Variants in GTF3C5 observed in about 807,000 individuals in gnomAD.
GTF3C5 encodes general transcription factor 3C polypeptide 5.
Under a neutral mutation model 61.0 loss-of-function variants are expected in GTF3C5, and 47 were observed. That is an observed-to-expected ratio of 0.77 (90% confidence interval 0.61 to 0.98). The LOEUF (loss-of-function observed/expected upper bound fraction) is 0.98. Ranked by LOEUF, GTF3C5 falls within the 50% of genes least tolerant of loss-of-function variation. The pLI is 0.00. For missense variants in GTF3C5, 659 were observed against 703.3 expected, an observed-to-expected ratio of 0.94 and a Z score of 0.71; for synonymous variants, 295 against 275.4, an observed-to-expected ratio of 1.07 and a Z score of -0.71.
chr9:133,047,325 C>T (rs944649375), intron 3 of GTF3C5, among the ~76,000 whole-genome samples: 3 of 152,136 alleles, frequency 2.0e-5, no homozygotes, highest in Admixed American at 6.6e-5. Context: ...CTACCACCAC[C>T]ACCCCCTACT....
At chr9:133,056,739 A>T (rs1224898615) in intron 9 of GTF3C5, 27 bp from the exon 10 acceptor site, 3 of 1,563,258 alleles carry the variant, frequency 1.9e-6, no homozygotes, top group Non-Finnish European at 2.6e-6. Context: ...CTGGGACTTT[A>T]TGTCCCAACC....
At position 133,052,132 on chromosome 9, in the gene GTF3C5, A is replaced by G; in HGVS notation, c.841A>G (p.Lys281Glu). The G allele has an allele frequency of 6.2e-7, 1 of 1,605,426 alleles. No homozygotes were observed. Among genetic ancestry groups the G allele is most frequent in the Non-Finnish European group, 8.5e-7 (1 of 1,174,156 alleles). The change falls in exon 5 of 11, where the codon AAG (lysine) becomes GAG (glutamate). Residue 281 changes from lysine to glutamate, a missense_variant. Physicochemically the swap from Lys to Glu is moderately conservative, Grantham distance 56. Coordinates refer to ENST00000372097, the MANE Select transcript of GTF3C5 (RefSeq NM_012087.4). ...ANISVHPDKL[K>E]VLLPFIAYYM... is the part of the protein sequence containing the mutation. ...CATCAGCGTCCACCCAGACAAGCTCAAGGTCTTGCTTCCCTTCATAGCCTA... is the reference window on the plus strand; with the variant it reads ...CATCAGCGTCCACCCAGACAAGCTCGAGGTCTTGCTTCCCTTCATAGCCTA...
intron 2 of GTF3C5, among the ~76,000 whole-genome samples, chr9:133,043,244 T>C (rs1402330322): frequency 6.6e-6 from 1 of 152,214 alleles, no homozygotes; most frequent in Non-Finnish European, 1.5e-5. Flanking sequence ...GTTTCCCAAG[T>C]GATTCATAAA....
intron 1 of GTF3C5, among the ~76,000 whole-genome samples, chr9:133,035,737 C>A (rs1031035072): frequency 3.9e-5 from 6 of 152,190 alleles, no homozygotes; most frequent in African/African-American, 1.4e-4. Context: ...GCTATTTGAT[C>A]TGCAAGGTTA....
intron 3 of GTF3C5, among the ~76,000 whole-genome samples, chr9:133,050,179 A>G (rs576400704): frequency 6.6e-6 from 1 of 152,126 alleles, no homozygotes; most frequent in East Asian, 1.9e-4. Flanking sequence ...TGGGAGTCCC[A>G]GCTCCTTCCC....
At chr9:133,056,745 C>T (rs1300175589) in intron 9 of GTF3C5, 21 bp from the exon 10 acceptor site, 1 of 1,579,238 alleles carries the variant, frequency 6.3e-7, no homozygotes. Context: ...CTTTATGTCC[C>T]AACCCTCTCC....
At chr9:133,043,656 T>G in intron 2 of GTF3C5, 72 bp from the exon 3 acceptor site, 2 of 1,213,096 alleles carry the variant, frequency 1.6e-6, no homozygotes, top group Non-Finnish European at 2.4e-6. Context: ...CCTAAGCAGA[T>G]GTGGGTGTCG....
At position 133,058,386 on chromosome 9, in the gene GTF3C5, C is replaced by T. The variant is rs1020374097; in HGVS notation, c.*406C>T. 3.6e-5 allele frequency: 6 copies of T among 168,774 alleles called. No individual in the cohort carries two copies. The highest frequency in any genetic ancestry group is 6.5e-5 in the Non-Finnish European group (5 of 77,206). 10.5% of individuals were successfully genotyped at this position (168,774 alleles called of 1,614,324 possible). A position where few individuals can be genotyped will look rare whatever the true frequency, so the allele number is the denominator to read the frequency against. On this transcript the variant is annotated 3_prime_UTR_variant, in exon 11 of 11. Coordinates refer to ENST00000372097, the MANE Select transcript of GTF3C5 (RefSeq NM_012087.4). ...GTGGTGGAGATAGCGTGGGGAGCCT[C>T]GCCCATGGTCTCACGTGGCAAGAAG... is the stretch of plus-strand genomic sequence containing the variant.
chr9:133,052,421 G>A (rs953497421), intron 5 of GTF3C5, among the ~76,000 whole-genome samples: 4 of 120,298 alleles, frequency 3.3e-5, no homozygotes, highest in Admixed American at 2.3e-4. Context: ...CTGGCCCCCC[G>A]ATCCTAGCAT....
intron 1 of GTF3C5, among the ~76,000 whole-genome samples, chr9:133,035,192 A>G (rs1301651271): frequency 6.6e-6 from 1 of 152,194 alleles, no homozygotes; most frequent in Non-Finnish European, 1.5e-5. Flanking sequence ...TAATATTCTC[A>G]ATCAATGCTT....
chr9:133,041,956 G>A, intron 1 of GTF3C5, 131 bp from the exon 2 acceptor site: 1 of 635,262 alleles, frequency 1.6e-6, no homozygotes. Flanking sequence ...GGGAATTAAG[G>A]GCCCAGAATG....
chr9:133,051,253 A>G (rs967803181), intron 4 of GTF3C5, among the ~76,000 whole-genome samples: 1 of 152,236 alleles, frequency 6.6e-6, no homozygotes, highest in African/African-American at 2.4e-5. Flanking sequence ...TCTGGGATCC[A>G]CTGAGCTCTT....
intron 1 of GTF3C5, among the ~76,000 whole-genome samples, chr9:133,035,555 A>C (rs1849840135): frequency 6.6e-6 from 1 of 152,182 alleles, no homozygotes; most frequent in South Asian, 2.1e-4. Flanking sequence ...AGGGGTTTGG[A>C]TAACATTTCT....
chr9:133,049,313 G>A (rs1850303091), intron 3 of GTF3C5, among the ~76,000 whole-genome samples: 1 of 152,204 alleles, frequency 6.6e-6, no homozygotes, highest in African/African-American at 2.4e-5. Context: ...GAACATCTTT[G>A]AAAACGCGAT....
At chr9:133,053,792 A>G in intron 5 of GTF3C5, 36 bp from the exon 6 acceptor site, 11 of 1,369,892 alleles carry the variant, frequency 8.0e-6, no homozygotes, top group South Asian at 2.4e-5. Flanking sequence ...CTGGGCCTTC[A>G]CCTCACCTCA....
At position 133,031,026 on chromosome 9, in the gene GTF3C5, G is replaced by C. The variant is rs1192297914; in HGVS notation, c.15G>C (p.Ala5=). MAAE[A]ADLGLGAAVP... is the part of the protein sequence containing the mutation. ...GACGCACAGGGATGGCGGCGGAGGC[G>C]GCCGATTTGGGGCTGGGGGCCGCCG... The change falls in exon 1 of 11, where the codon GCG becomes GCC. Residue 5 remains alanine (A), a synonymous_variant. Transcript: ENST00000372097. 1 of 1,612,036 alleles carries C rather than the reference G, an allele frequency of 6.2e-7. No homozygotes were observed. Among genetic ancestry groups the C allele is most frequent in the African/African-American group, 1.3e-5 (1 of 74,920 alleles).
chr9:133,056,000 C>G lies in GTF3C5; in HGVS notation c.1168-12C>G. On this transcript the variant is annotated splice_polypyrimidine_tract_variant and intron_variant, in intron 8 of 10. Coordinates refer to ENST00000372097, the MANE Select transcript of GTF3C5 (RefSeq NM_012087.4). ...GCTCACCTTCCCTGTCTCTCTCCCC[C>G]TTTGTCACCAGGACTCTGTCTACAT... The G allele has an allele frequency of 1.2e-6, 2 of 1,614,084 alleles. No individual in the cohort carries two copies. Among genetic ancestry groups the G allele is most frequent in the Non-Finnish European group, 1.7e-6 (2 of 1,179,934 alleles).
chr9:133,035,202 T>G (rs947701750), intron 1 of GTF3C5, among the ~76,000 whole-genome samples: 1 of 152,226 alleles, frequency 6.6e-6, no homozygotes, highest in African/African-American at 2.4e-5. Context: ...AATCAATGCT[T>G]TAATTACATT....
chr9:133,032,003 G>T (rs1167765476), intron 1 of GTF3C5, among the ~76,000 whole-genome samples: 1 of 152,094 alleles, frequency 6.6e-6, no homozygotes, highest in Admixed American at 6.5e-5. Context: ...AAAGAACAGG[G>T]AAGCTGAACA....
Sources: gnomAD v4.1 joint callset for allele counts (sites outside exome capture counted in the v4.1 genomes callset) on GRCh38, gnomAD v4.1.1 for gene constraint, MANE v1.5 for transcripts, NCBI Gene and HGNC (gene_info 2026-07-23, HGNC 2026-07-21) for gene names.